The following CELF4 variants were observed in gnomAD, a reference collection of about 807,000 sequenced individuals.
CELF4 encodes the protein CUG-BP- and ETR-3-like factor 4.
Under a neutral mutation model 59.9 loss-of-function variants are expected in CELF4, and 18 were observed. The ratio of observed to expected loss-of-function variants is 0.30; its 90% CI spans 0.21 to 0.45. CELF4 has a LOEUF of 0.45. CELF4 is among the 20% of genes least tolerant of loss of function. CELF4 has a pLI of 1.00. For missense variants in CELF4, 456 were observed against 689.0 expected (o/e 0.66, Z 3.79); for synonymous variants, 261 against 267.1 (o/e 0.98, Z 0.22).
intron 3 of CELF4, among the ~76,000 whole-genome samples, chr18:37,319,423 G>A (rs2097003760): frequency 6.6e-6 from 1 of 152,220 alleles, no homozygotes; most frequent in African/African-American, 2.4e-5. Context: ...CTATGCCCTG[G>A]GGCATGGGAT....
intron 3 of CELF4, among the ~76,000 whole-genome samples, chr18:37,290,920 T>G (rs1469927150): frequency 2.6e-5 from 4 of 152,168 alleles, no homozygotes; most frequent in African/African-American, 9.7e-5. Context: ...TATTTTTATT[T>G]TTTGAGATGG....
chr18:37,534,089 T>G (rs1041034110), intron 1 of CELF4, among the ~76,000 whole-genome samples: 2 of 152,222 alleles, frequency 1.3e-5, no homozygotes, highest in African/African-American at 4.8e-5. Flanking sequence ...GACAGGCTCC[T>G]GGGTATTGGC....
intron 2 of CELF4, among the ~76,000 whole-genome samples, chr18:37,407,035 G>T (rs1362320532): frequency 6.6e-6 from 1 of 152,110 alleles, no homozygotes; most frequent in Non-Finnish European, 1.5e-5. Context: ...AAGACAGCAT[G>T]GTTTATTGAA....
intron 1 of CELF4, among the ~76,000 whole-genome samples, chr18:37,493,787 G>T (rs956166593): frequency 5.9e-5 from 9 of 152,176 alleles, no homozygotes; most frequent in Non-Finnish European, 1.2e-4. Context: ...CCTTGGCCAT[G>T]CATTCTTCTT....
chr18:37,261,025 A>G (rs1445462325), intron 10 of CELF4, among the ~76,000 whole-genome samples: 1 of 151,854 alleles, frequency 6.6e-6, no homozygotes, highest in East Asian at 1.9e-4. Context: ...CCACTGGTTC[A>G]TGCCCTGTGA....
chr18:37,347,087 T>C (rs2098284723), intron 2 of CELF4, among the ~76,000 whole-genome samples: 1 of 151,896 alleles, frequency 6.6e-6, no homozygotes, highest in Non-Finnish European at 1.5e-5. Flanking sequence ...GACCTGCTGA[T>C]GGAGGGTGTT....
intron 2 of CELF4, among the ~76,000 whole-genome samples, chr18:37,333,182 T>C (rs1441100838): frequency 6.7e-6 from 1 of 149,238 alleles, no homozygotes; most frequent in Non-Finnish European, 1.5e-5. Context: ...GGCTGTTAAC[T>C]TAACCTCTGA....
At chr18:37,278,291 AC>A (rs976035489) in intron 3 of CELF4, among the ~76,000 whole-genome samples, 1 of 152,086 alleles carries the variant, frequency 6.6e-6, no homozygotes, top group Non-Finnish European at 1.5e-5. Context: ...TACCAAAGAC[AC>A]CCAGCTTCAG....
At chr18:37,307,973 G>T (rs889373391) in intron 3 of CELF4, among the ~76,000 whole-genome samples, 1 of 152,122 alleles carries the variant, frequency 6.6e-6, no homozygotes, top group East Asian at 1.9e-4. Context: ...ATAGACATGC[G>T]CCTGAAAGTA....
Position 37,291,700 on chromosome 18 carries a change from C to T in CELF4, c.449-16457G>A, listed in dbSNP as rs189947118. ...TTCAGCAGCTGCTCACAGGGTGGTT[C>T]CCTCTACTCATCAACCTCCTCTGTC... is the stretch of plus-strand genomic sequence containing the variant. On this transcript the variant is annotated intron_variant, in intron 3 of 12. Transcript: ENST00000420428. 7.2e-3 allele frequency among the ~76,000 whole-genome samples: 1,101 copies of T among 152,266 alleles called. 41 individuals carry two copies. Among genetic ancestry groups the T allele is most frequent in the Admixed American group, 0.065 (994 of 15,288 alleles).
At position 37,479,345 on chromosome 18, in the gene CELF4, C is replaced by T. The variant is rs541611085; in HGVS notation, c.369+6180G>A. ...CCTCACTGTCCCACCTTCTACCCAC[C>T]CTAGGCCCGGGATGGGGTTTCTCTA... On this transcript the variant is annotated intron_variant, in intron 2 of 12. Transcript: ENST00000420428. Among the ~76,000 whole-genome samples the T allele has an allele frequency of 9.8e-5, 15 of 152,310 alleles. 1 individual carries two copies. In the South Asian group the frequency reaches 2.9e-3, roughly 29 times the overall value.
At chr18:37,388,681 C>G (rs983214080) in intron 2 of CELF4, among the ~76,000 whole-genome samples, 1 of 152,146 alleles carries the variant, frequency 6.6e-6, no homozygotes, top group Non-Finnish European at 1.5e-5. Context: ...GCAATAAGTG[C>G]GGTGGGGAGG....
At chr18:37,298,927 T>G (rs1287905952) in intron 3 of CELF4, among the ~76,000 whole-genome samples, 2 of 152,158 alleles carry the variant, frequency 1.3e-5, no homozygotes, top group East Asian at 3.9e-4. Context: ...TTCCCTAGCT[T>G]GTAAGTCCCA....
chr18:37,408,086 T>C lies in CELF4; in HGVS notation c.369+77439A>G, dbSNP rs1206337917. ...GCAGCTGGAAGGCAGAAAGTGGAAT[T>C]TGGAATAGCTCTGAATCACTGGATG... On this transcript the variant is annotated intron_variant, in intron 2 of 12. Coordinates refer to ENST00000420428, the MANE Select transcript of CELF4 (RefSeq NM_020180.4). Among the ~76,000 whole-genome samples the C allele has an allele frequency of 2.0e-5, 3 of 152,142 alleles. No homozygotes were observed. In the South Asian group the frequency reaches 6.2e-4, roughly 32 times the overall value.
At chr18:37,557,680 GTC>G in intron 1 of CELF4, among the ~76,000 whole-genome samples, 1 of 152,332 alleles carries the variant, frequency 6.6e-6, no homozygotes, top group Middle Eastern at 3.4e-3. Context: ...GCCTTCGGAA[GTC>G]TCTGTCAATT....
chr18:37,363,380 T>C (rs939095457), intron 2 of CELF4, among the ~76,000 whole-genome samples: 2 of 152,148 alleles, frequency 1.3e-5, no homozygotes, highest in African/African-American at 4.8e-5. Flanking sequence ...AAAATGAACA[T>C]GATGAAAATA....
At chr18:37,550,899 G>A (rs7228641) in intron 1 of CELF4, among the ~76,000 whole-genome samples, 145,945 of 152,348 alleles carry the variant, frequency 0.96, 70,201 homozygotes, top group East Asian at 1. Flanking sequence ...AGATGGTAAC[G>A]CATTAATGTC....
At chr18:37,453,326 G>T (rs2099769310) in intron 2 of CELF4, among the ~76,000 whole-genome samples, 1 of 152,110 alleles carries the variant, frequency 6.6e-6, no homozygotes, top group Admixed American at 6.5e-5. Context: ...GCTTGTGTTT[G>T]TGGGGTACTC....
chr18:37,352,347 G>T (rs2098459389), intron 2 of CELF4, among the ~76,000 whole-genome samples: 1 of 152,206 alleles, frequency 6.6e-6, no homozygotes, highest in African/African-American at 2.4e-5. Flanking sequence ...CCAGCCTGCA[G>T]AAGGGAAATG....
Sources: allele counts gnomAD v4.1 joint callset (sites outside exome capture counted in the v4.1 genomes callset), GRCh38; gene constraint gnomAD v4.1.1; transcripts MANE v1.5; gene names NCBI Gene and HGNC (gene_info 2026-07-23, HGNC 2026-07-21).